Variants in GALNS observed in about 807,000 individuals in gnomAD.
The protein encoded by GALNS is galactosamine (N-acetyl)-6-sulfatase.
GALNS carries 65 observed loss-of-function variants against 65.9 expected under a neutral mutation model. That is an observed-to-expected ratio of 0.99 (90% CI 0.81 to 1.21). The LOEUF is 1.21. Among genes scored for constraint, GALNS ranks in the 50% most tolerant of loss-of-function variants. The probability of loss-of-function intolerance (pLI) is 0.00; values close to 1 mark genes in which losing one functional copy is unlikely to be tolerated. For synonymous variants in GALNS, 346 were observed against 288.9 expected (o/e 1.20, Z -2.00); for missense variants, 776 against 700.7 (o/e 1.11, Z -1.21).
At chr16:88,839,234 A>G (rs1056529692) in intron 4 of GALNS, among the ~76,000 whole-genome samples, 1 of 143,652 alleles carries the variant, frequency 7.0e-6, no homozygotes, top group South Asian at 2.2e-4. Context: ...CACAGGGGAC[A>G]CTCGTGCGCC....
rs112424203 is a variant in GALNS, at chr16:88,835,983, T to C, written c.634-134A>G. The C allele has an allele frequency of 5.5e-3, 7,603 of 1,381,622 alleles. 339 individuals are homozygous for C. The African/African-American group carries it at 0.1, about 19-fold the overall frequency. 85.6% of individuals were successfully genotyped at this position (1,381,622 alleles called of 1,614,324 possible). ...TCCCCACGCGTCCCACGGGGCAAGG[T>C]TGGTGCGGTCCCCGTCCCCACGCGT... On this transcript the variant is annotated intron_variant, in intron 6 of 13. Transcript: ENST00000268695.
chr16:88,849,895 T>C (rs560419808), intron 1 of GALNS, among the ~76,000 whole-genome samples: 1 of 152,318 alleles, frequency 6.6e-6, no homozygotes, highest in East Asian at 1.9e-4. Context: ...AGAAGGGACC[T>C]TGGGCTCAGT....
At chr16:88,851,080 T>C (rs551569575) in intron 1 of GALNS, among the ~76,000 whole-genome samples, 2 of 152,282 alleles carry the variant, frequency 1.3e-5, no homozygotes, top group African/African-American at 2.4e-5. Context: ...GACCCTGTTC[T>C]TTCATTATTT....
At chr16:88,837,787 A>G in intron 4 of GALNS, 22 bp from the exon 5 acceptor site, 1 of 1,612,942 alleles carries the variant, frequency 6.2e-7, no homozygotes, top group Non-Finnish European at 8.5e-7. Flanking sequence ...AACCCAGGAC[A>G]CTTCAGGGAC....
At position 88,842,711 on chromosome 16, in the gene GALNS, G is replaced by A. The variant is rs1209154325; in HGVS notation, c.239C>T (p.Ser80Leu). The change falls in exon 2 of 14, where the codon TCG becomes TTG. Residue 80 changes from serine (S) to leucine (L), a missense_variant. Transcript: ENST00000268695. ...PNFYSANPLC[S>L]PSRAALLTGR... is the part of the protein sequence containing the mutation. ...CGAGGGCCCCGCTGACTTACATGGC[G>A]AGCACAGAGGGTTGGCAGAATAGAA... The A allele has an allele frequency of 6.2e-6, 10 of 1,612,664 alleles. No individual in the cohort carries two copies. Among genetic ancestry groups the A allele is most frequent in the Admixed American group, 1.7e-5 (1 of 59,924 alleles).
Position 88,814,536 on chromosome 16 carries a change from A to G in GALNS, c.1483-11T>C, listed in dbSNP as rs1036987771. 2 of 1,552,168 alleles carry G rather than the reference A, an allele frequency of 1.3e-6. No individual in the cohort carries two copies. The highest frequency in any genetic ancestry group is 1.7e-6 in the Non-Finnish European group (2 of 1,147,502). ...CGGAGGTGCCCAGTTCTGGGAAATG[A>G]AAATTGAGAAAAAGAACATGCAGTT... On this transcript the variant is annotated splice_polypyrimidine_tract_variant and intron_variant, in intron 13 of 13. Coordinates refer to ENST00000268695, the MANE Select transcript of GALNS (RefSeq NM_000512.5).
intron 2 of GALNS, 70 bp downstream of exon 2, chr16:88,842,636 T>C: frequency 6.3e-7 from 1 of 1,581,312 alleles, no homozygotes; most frequent in Non-Finnish European, 8.6e-7. Flanking sequence ...GAGTCAGGGC[T>C]GGAAGGACCC....
At chr16:88,854,189 G>A (rs1967646407) in intron 1 of GALNS, among the ~76,000 whole-genome samples, 1 of 152,228 alleles carries the variant, frequency 6.6e-6, no homozygotes, top group Admixed American at 6.5e-5. Context: ...AGAGCTGTGG[G>A]TCATCAAGCC....
chr16:88,856,534 A>G, intron 1 of GALNS: 3 of 691,390 alleles, frequency 4.3e-6, no homozygotes, highest in South Asian at 3.0e-5. Flanking sequence ...CCACGCCTGG[A>G]CCCCGCGGCC....
intron 1 of GALNS, chr16:88,855,955 C>G (rs1057271504): frequency 3.4e-6 from 2 of 579,994 alleles, no homozygotes; most frequent in Non-Finnish European, 6.2e-6. Context: ...GTGTAACCCC[C>G]CAGGTGTGGC....
chr16:88,852,381 C>T (rs1327250045), intron 1 of GALNS, among the ~76,000 whole-genome samples: 1 of 152,180 alleles, frequency 6.6e-6, no homozygotes, highest in Admixed American at 6.5e-5. Context: ...ATCTTTAGGC[C>T]ACCAGCATCA....
chr16:88,835,684 G>T, intron 7 of GALNS, 41 bp downstream of exon 7: 1 of 1,612,746 alleles, frequency 6.2e-7, no homozygotes, highest in Non-Finnish European at 8.5e-7. Context: ...GCACAGCTGG[G>T]GCCTCCAGCG....
chr16:88,840,832 G>A, intron 4 of GALNS, 160 bp downstream of exon 4: 3 of 691,682 alleles, frequency 4.3e-6, no homozygotes, highest in South Asian at 3.1e-5. Context: ...ACGCTGGCCT[G>A]CACAGGGACG....
At chr16:88,856,301 C>A (rs763868270) in intron 1 of GALNS, 47 of 702,764 alleles carry the variant, frequency 6.7e-5, no homozygotes, top group Non-Finnish European at 8.1e-5. Flanking sequence ...GGGAGTGATT[C>A]CTAGGGCGAC....
At position 88,837,667 on chromosome 16, in the gene GALNS, G is replaced by A. The variant is rs1912280207; in HGVS notation, c.521C>T (p.Ala174Val). 1.2e-6 allele frequency: 2 copies of A among 1,613,842 alleles called. No individual in the cohort carries two copies. Among genetic ancestry groups the A allele is most frequent in the Middle Eastern group, 1.7e-4 (1 of 6,032 alleles). ...CCTGTACACAGGGATGTTGGGCCTG[G>A]CCTTGTTGTCATAAGGTCCAAAGTG... ...NCHFGPYDNK[A>V]RPNIPVYRDW... The change falls in exon 5 of 14, where the codon GCC becomes GTC. Residue 174 changes from alanine (A) to valine (V), a missense_variant. By Grantham distance (64) the Ala-to-Val change is moderately conservative (BLOSUM62 0). Transcript: ENST00000268695.
At chr16:88,820,327 C>T (rs978392676) in intron 12 of GALNS, among the ~76,000 whole-genome samples, 3 of 152,004 alleles carry the variant, frequency 2.0e-5, no homozygotes, top group Non-Finnish European at 4.4e-5. Flanking sequence ...TGGGATTTCA[C>T]CATGTAGGCC....
At chr16:88,829,941 G>A (rs2142997752) in intron 9 of GALNS, among the ~76,000 whole-genome samples, 1 of 152,294 alleles carries the variant, frequency 6.6e-6, no homozygotes, top group East Asian at 1.9e-4. Context: ...GTCCTCAAAA[G>A]TGGAACAGGC....
chr16:88,818,219 G>T, intron 12 of GALNS, 95 bp from the exon 13 acceptor site: 1 of 985,944 alleles, frequency 1.0e-6, no homozygotes, highest in Non-Finnish European at 1.5e-6. Flanking sequence ...AGCTCTAACG[G>T]GCTGAGAACC....
chr16:88,815,141 C>T, intron 13 of GALNS: 1 of 985,488 alleles, frequency 1.0e-6, no homozygotes, highest in Non-Finnish European at 1.2e-6. Flanking sequence ...AGACGCTCCC[C>T]AGGAATCATG....
Sources: gnomAD v4.1 joint callset for allele counts (sites outside exome capture counted in the v4.1 genomes callset) on GRCh38, gnomAD v4.1.1 for gene constraint, MANE v1.5 for transcripts, NCBI Gene and HGNC (gene_info 2026-07-23, HGNC 2026-07-21) for gene names.